The following ATP6V0A1 variants were observed in gnomAD, a reference collection of about 807,000 sequenced individuals.
ATP6V0A1 encodes the protein V-type proton ATPase 116 kDa subunit a 1.
Under a neutral mutation model 105.4 loss-of-function variants are expected in ATP6V0A1, and 43 were observed. The observed-to-expected ratio is 0.41, with a 90% CI of 0.32 to 0.53. The LOEUF (loss-of-function observed/expected upper bound fraction) is 0.53, where lower values mean the gene tolerates loss of function less well. ATP6V0A1 is among the 20% of genes least tolerant of loss of function. The pLI is 0.30. For synonymous variants in ATP6V0A1, 362 were observed against 372.8 expected (o/e 0.97, Z 0.33); for missense variants, 676 against 1,051.1 (o/e 0.64, Z 4.93).
intron 5 of ATP6V0A1, among the ~76,000 whole-genome samples, chr17:42,473,972 G>T (rs906055267): frequency 4.0e-5 from 6 of 151,378 alleles, no homozygotes; most frequent in Non-Finnish European, 8.8e-5. Context: ...TGATCTTTGT[G>T]CCCTTTTCAT....
rs186247492 is a variant in ATP6V0A1, at chr17:42,477,979, A to T, written c.506+237A>T. Among the ~76,000 whole-genome samples, 97 of 152,256 alleles carry T rather than the reference A, an allele frequency of 6.4e-4. No individual in the cohort carries two copies. The Middle Eastern group carries it at 0.01, about 16-fold the overall frequency. ...ACCAACCCAAATGTCCATCAATGAT[A>T]GACTGGATTAAGAAAGTGTGGCACA... On this transcript the variant is annotated intron_variant, in intron 6 of 21. Transcript: ENST00000343619.
intron 8 of ATP6V0A1, among the ~76,000 whole-genome samples, chr17:42,481,916 A>G (rs1001243105): frequency 1.3e-5 from 2 of 152,144 alleles, no homozygotes; most frequent in Non-Finnish European, 2.9e-5. Context: ...ATCACAGCTC[A>G]CTGCAACCTT....
At chr17:42,488,268 T>G (rs2090302516) in intron 10 of ATP6V0A1, among the ~76,000 whole-genome samples, 1 of 152,180 alleles carries the variant, frequency 6.6e-6, no homozygotes, top group Admixed American at 6.5e-5. Flanking sequence ...GGTTAGACCA[T>G]GTATGTTTGG....
intron 21 of ATP6V0A1, 23 bp downstream of exon 21, chr17:42,514,483 G>A (rs377589191): frequency 7.0e-6 from 11 of 1,561,964 alleles, no homozygotes; most frequent in South Asian, 2.4e-5. Context: ...GGGGCAGGGC[G>A]GGCATGGGGG....
At chr17:42,474,838 G>A (rs1418718550) in intron 5 of ATP6V0A1, among the ~76,000 whole-genome samples, 1 of 152,174 alleles carries the variant, frequency 6.6e-6, no homozygotes, top group East Asian at 1.9e-4. Context: ...ATGATTGGCA[G>A]GGTGTGTGTA....
chr17:42,466,326 A>G (rs908189868), intron 2 of ATP6V0A1, 103 bp from the exon 3 acceptor site: 3 of 959,022 alleles, frequency 3.1e-6, no homozygotes, highest in Non-Finnish European at 3.2e-6. Context: ...TGCATCATGC[A>G]TTGACAGAAA....
chr17:42,520,800 C>G (rs1463273036), intron 21 of ATP6V0A1: 3 of 533,908 alleles, frequency 5.6e-6, no homozygotes, highest in Non-Finnish European at 6.8e-6. Context: ...CTCGGCAGGA[C>G]AGAGCAAGAT....
At chr17:42,498,717 T>A (rs957993789) in intron 14 of ATP6V0A1, among the ~76,000 whole-genome samples, 2 of 151,912 alleles carry the variant, frequency 1.3e-5, no homozygotes, top group African/African-American at 4.8e-5. Flanking sequence ...TCCCAGCTAC[T>A]TGGGAGGCTG....
chr17:42,504,858 G>A (rs1351880240), intron 17 of ATP6V0A1, among the ~76,000 whole-genome samples: 3 of 152,096 alleles, frequency 2.0e-5, no homozygotes, highest in African/African-American at 4.8e-5. Context: ...AACAGGTGGG[G>A]GCCTTGCCTC....
chr17:42,514,221 A>T, intron 20 of ATP6V0A1, 68 bp from the exon 21 acceptor site: 1 of 1,523,706 alleles, frequency 6.6e-7, no homozygotes, highest in Non-Finnish European at 8.8e-7. Flanking sequence ...GGGATGGCAG[A>T]GCAAAATTCA....
chr17:42,515,888 T>C (rs543259197), intron 21 of ATP6V0A1, among the ~76,000 whole-genome samples: 1 of 152,332 alleles, frequency 6.6e-6, no homozygotes, highest in South Asian at 2.1e-4. Context: ...TACTAAAAAC[T>C]GGGGCAGTCT....
intron 4 of ATP6V0A1, among the ~76,000 whole-genome samples, 190 bp downstream of exon 4, chr17:42,468,297 G>A (rs2087381764): frequency 6.6e-6 from 1 of 152,074 alleles, no homozygotes; most frequent in South Asian, 2.1e-4. Flanking sequence ...TGATATTTTG[G>A]TATATACATA....
intron 17 of ATP6V0A1, among the ~76,000 whole-genome samples, chr17:42,502,492 G>A (rs756701080): frequency 1.4e-5 from 2 of 147,922 alleles, no homozygotes; most frequent in Non-Finnish European, 2.9e-5. Context: ...TGAATTCTGC[G>A]CGCGCACACA....
At chr17:42,464,878 G>A (rs2086855445) in intron 2 of ATP6V0A1, among the ~76,000 whole-genome samples, 1 of 152,166 alleles carries the variant, frequency 6.6e-6, no homozygotes, top group Admixed American at 6.5e-5. Context: ...TAAATGTTGA[G>A]TAAATATAGT....
At chr17:42,484,290 C>T (rs1365375645) in intron 9 of ATP6V0A1, among the ~76,000 whole-genome samples, 5 of 152,048 alleles carry the variant, frequency 3.3e-5, no homozygotes, top group Non-Finnish European at 5.9e-5. Flanking sequence ...ATCTCCTGAC[C>T]GTGTGATCTG....
chr17:42,486,981 A>G (rs1044496277), intron 9 of ATP6V0A1, among the ~76,000 whole-genome samples, 174 bp from the exon 10 acceptor site: 4 of 152,214 alleles, frequency 2.6e-5, no homozygotes, highest in African/African-American at 9.6e-5. Flanking sequence ...GAATGTTAGT[A>G]ACTAGAACTC....
chr17:42,468,904 G>GA (rs1567810555), intron 4 of ATP6V0A1, among the ~76,000 whole-genome samples: 1 of 152,010 alleles, frequency 6.6e-6, no homozygotes, highest in Non-Finnish European at 1.5e-5. Context: ...GGACTACAGT[G>GA]ACCCCATCTT....
At chr17:42,484,687 G>A (rs1427664608) in intron 9 of ATP6V0A1, among the ~76,000 whole-genome samples, 1 of 152,104 alleles carries the variant, frequency 6.6e-6, no homozygotes, top group Non-Finnish European at 1.5e-5. Context: ...AGGAAAGGCT[G>A]GTGAGTGGGG....
intron 5 of ATP6V0A1, 83 bp downstream of exon 5, chr17:42,470,301 T>A: frequency 4.6e-6 from 7 of 1,512,832 alleles, no homozygotes; most frequent in Non-Finnish European, 6.3e-6. Flanking sequence ...CAGTAATTAT[T>A]TTAATTTGCT....
Sources: gnomAD v4.1 joint callset for allele counts (sites outside exome capture counted in the v4.1 genomes callset) on GRCh38, gnomAD v4.1.1 for gene constraint, MANE v1.5 for transcripts, NCBI Gene and HGNC (gene_info 2026-07-23, HGNC 2026-07-21) for gene names.